NRAP: variants seen among roughly 807,000 people sequenced by gnomAD.
NRAP encodes the protein nebulin-related-anchoring protein.
In NRAP, 189 loss-of-function variants were observed where a neutral mutation model predicts 225.9. That is an observed-to-expected ratio of 0.84 (90% CI 0.74 to 0.94). NRAP has a LOEUF of 0.94. NRAP is among the 40% of genes least tolerant of loss of function. The probability of loss-of-function intolerance (pLI) is 0.00; values close to 1 mark genes in which losing one functional copy is unlikely to be tolerated. For missense variants in NRAP, 2,176 were observed against 2,168.7 expected (o/e 1.00, Z -0.07); for synonymous variants, 769 against 790.7 (o/e 0.97, Z 0.46).
In NRAP at chr10:113,654,174, A is replaced by C. The variant is rs776852825; in HGVS notation, c.361-49T>G. 81 of 1,026,896 alleles carry C rather than the reference A, an allele frequency of 7.9e-5. No homozygotes were observed. The South Asian group carries it at 1.0e-3, about 13-fold the overall frequency. 63.6% of individuals were successfully genotyped at this position (1,026,896 alleles called of 1,614,324 possible). A position where few individuals can be genotyped will look rare whatever the true frequency, so the allele number is the denominator to read the frequency against. On this transcript the variant is annotated intron_variant, in intron 4 of 41. Coordinates refer to ENST00000359988, the MANE Select transcript of NRAP (RefSeq NM_198060.4). ...ATACAAACACATGCCCCAGACTCCC[A>C]GCAACACTTACATACATTGTCAAAA...
At chr10:113,605,939 C>G in intron 33 of NRAP, 70 bp from the exon 34 acceptor site, 2 of 1,103,010 alleles carry the variant, frequency 1.8e-6, no homozygotes, top group Non-Finnish European at 1.4e-6. Flanking sequence ...CCACCCCTTT[C>G]ATTTATAGCA....
intron 40 of NRAP, among the ~76,000 whole-genome samples, 177 bp from the exon 41 acceptor site, chr10:113,589,974 G>T (rs1331516936): frequency 1.3e-5 from 2 of 152,216 alleles, no homozygotes; most frequent in African/African-American, 2.4e-5. Context: ...CACAGGGGCC[G>T]CAATGTGCTG....
intron 31 of NRAP, 47 bp downstream of exon 31, chr10:113,610,412 C>T (rs374519760): frequency 3.1e-5 from 26 of 850,572 alleles, no homozygotes; most frequent in Non-Finnish European, 4.9e-5. Flanking sequence ...TGATTATCCT[C>T]TGCTGTGGAA....
chr10:113,610,390 A>G, intron 31 of NRAP, 69 bp downstream of exon 31: 1 of 774,994 alleles, frequency 1.3e-6, no homozygotes, highest in Non-Finnish European at 2.2e-6. Flanking sequence ...AAGAAAAAGG[A>G]AAGAAACAAA....
intron 11 of NRAP, among the ~76,000 whole-genome samples, 195 bp from the exon 12 acceptor site, chr10:113,643,233 T>C (rs1849310597): frequency 6.6e-6 from 1 of 152,194 alleles, no homozygotes; most frequent in South Asian, 2.1e-4. Context: ...AAATAATTGG[T>C]TTCATTCAGA....
chr10:113,634,253 T>C lies in NRAP; in HGVS notation c.1429-43A>G, dbSNP rs765607558. 11 of 1,401,358 alleles carry C rather than the reference T, an allele frequency of 7.8e-6. No individual in the cohort carries two copies. The African/African-American group carries it at 1.4e-4, about 18-fold the overall frequency. The allele number at this position is 1,401,358 out of a possible 1,614,324, so 86.8% of individuals were successfully genotyped here. A position where few individuals can be genotyped will look rare whatever the true frequency, so the allele number is the denominator to read the frequency against. The stretch of plus-strand genomic sequence containing the variant: ...CAAAAAGATGTCATTTGCTCTTTTC[T>C]CAAAGATTTGCTTAGCTCCCTCTCC... On this transcript the variant is annotated intron_variant, in intron 14 of 41. Coordinates refer to ENST00000359988, the MANE Select transcript of NRAP (RefSeq NM_198060.4).
In NRAP at chr10:113,590,713, G is replaced by A. The variant is rs549877333; in HGVS notation, c.4821C>T (p.Pro1607=). 3.4e-5 allele frequency: 55 copies of A among 1,614,192 alleles called. No individual in the cohort carries two copies. Among genetic ancestry groups the A allele is most frequent in the South Asian group, 2.4e-4 (22 of 91,080 alleles). The change falls in exon 40 of 42, where the codon CCC becomes CCT. Residue 1607 remains proline (P), a synonymous_variant. Coordinates refer to ENST00000359988, the MANE Select transcript of NRAP (RefSeq NM_198060.4). The part of the protein sequence containing the change: ...RSQFHSSTDQ[P]GLLQAKRSQQ... ...GGCTCCTCTTGGCCTGAAGGAGGCC[G>A]GGCTGGTCTGTGCTGCTGTGAAACT...
chr10:113,597,176 G>A lies in NRAP; in HGVS notation c.4341C>T (p.Tyr1447=). Residue 1447 remains tyrosine (Y), a synonymous_variant, in exon 37 of 42, where the codon TAC becomes TAT. Coordinates refer to ENST00000359988, the MANE Select transcript of NRAP (RefSeq NM_198060.4). The stretch of plus-strand genomic sequence containing the variant: ...ACTTGATACTGTCTGGTTTTTTACG[G>A]TACTTGGTCTATAAGATAAAGACAA... ...KAGELISETK[Y]RKKPDSIKFT... is the part of the protein sequence containing the mutation. The A allele has an allele frequency of 1.2e-6, 2 of 1,604,362 alleles. No individual in the cohort carries two copies. The highest frequency in any genetic ancestry group is 1.7e-6 in the Non-Finnish European group (2 of 1,171,100).
At chr10:113,617,717 T>C (rs1424974187) in intron 25 of NRAP, among the ~76,000 whole-genome samples, 164 bp from the exon 26 acceptor site, 1 of 152,200 alleles carries the variant, frequency 6.6e-6, no homozygotes, top group African/African-American at 2.4e-5. Flanking sequence ...TTAATATTTG[T>C]TTCAATTTAA....
chr10:113,601,987 GCCAT>G (rs1280534585), intron 35 of NRAP, among the ~76,000 whole-genome samples: 1 of 152,126 alleles, frequency 6.6e-6, no homozygotes, highest in African/African-American at 2.4e-5. Context: ...CTGGGCTCAA[GCCAT>G]CCTCCCACCT....
rs1389667057 is a variant in NRAP, at chr10:113,597,175, G to A, written c.4342C>T (p.Arg1448Cys). The A allele has an allele frequency of 6.2e-6, 10 of 1,605,802 alleles. No individual in the cohort carries two copies. Among genetic ancestry groups the A allele is most frequent in the African/African-American group, 4.0e-5 (3 of 74,702 alleles). ...AGELISETKY[R>C]KKPDSIKFTT... is the part of the protein sequence containing the mutation. ...AACTTGATACTGTCTGGTTTTTTAC[G>A]GTACTTGGTCTATAAGATAAAGACA... The change falls in exon 37 of 42, where the codon CGT (arginine) becomes TGT (cysteine). Residue 1448 changes from arginine (R) to cysteine (C), a missense_variant. By Grantham distance (180) the Arg-to-Cys change is radical (BLOSUM62 -3). Around this residue, in one of 3 missense-constraint regions of NRAP, gnomAD observed 445 missense variants for 426.1 expected, o/e 1.04. Coordinates refer to ENST00000359988, the MANE Select transcript of NRAP (RefSeq NM_198060.4).
intron 25 of NRAP, among the ~76,000 whole-genome samples, chr10:113,617,843 T>G (rs1847760437): frequency 6.6e-6 from 1 of 152,232 alleles, no homozygotes; most frequent in Admixed American, 6.5e-5. Context: ...AAGGATTCTT[T>G]TTATAGGCTT....
intron 35 of NRAP, among the ~76,000 whole-genome samples, chr10:113,600,891 C>T (rs763309302): frequency 1.3e-5 from 2 of 152,194 alleles, no homozygotes; most frequent in Non-Finnish European, 2.9e-5. Context: ...GCATTCCATA[C>T]ATTTTAGTTA....
chr10:113,633,605 G>A (rs777670529), intron 15 of NRAP, among the ~76,000 whole-genome samples: 15 of 152,178 alleles, frequency 9.9e-5, no homozygotes, highest in Admixed American at 2.6e-4. Flanking sequence ...TGTGACTCCT[G>A]TTGGATGAAT....
At position 113,590,891 on chromosome 10, in the gene NRAP, T is replaced by C. The variant is rs1564690201; in HGVS notation, c.4645-2A>G. ...CAGGAAAGCCTCTTTGTACCGGAAC[T>C]GCAAGTCAGAGGAGCAGAGGCAGAT... On this transcript the variant is annotated splice_acceptor_variant, in intron 39 of 41. Coordinates refer to ENST00000359988, the MANE Select transcript of NRAP (RefSeq NM_198060.4). LOFTEE classifies it high-confidence loss of function. 3.7e-6 allele frequency: 6 copies of C among 1,612,748 alleles called. No individual in the cohort carries two copies. The highest frequency in any genetic ancestry group is 4.2e-6 in the Non-Finnish European group (5 of 1,179,016).
At chr10:113,661,587 T>C (rs932874236) in intron 3 of NRAP, among the ~76,000 whole-genome samples, 3 of 152,166 alleles carry the variant, frequency 2.0e-5, no homozygotes, top group African/African-American at 7.2e-5. Context: ...ACAGAGCAAC[T>C]TCTTGTGGGC....
At chr10:113,643,842 T>A (rs1849346796) in intron 11 of NRAP, among the ~76,000 whole-genome samples, 1 of 152,172 alleles carries the variant, frequency 6.6e-6, no homozygotes, top group East Asian at 1.9e-4. Context: ...TAAAACTATA[T>A]GGTGGGGGTA....
chr10:113,623,930 T>C (rs1467117513), intron 22 of NRAP, among the ~76,000 whole-genome samples: 2 of 152,172 alleles, frequency 1.3e-5, no homozygotes, highest in Non-Finnish European at 2.9e-5. Context: ...CAGGATAACA[T>C]CGCACAACAC....
rs925643669 is a variant in NRAP at position 113,654,088 on chromosome 10, C to G, written c.398G>C (p.Trp133Ser). 2 of 1,613,552 alleles carry G rather than the reference C, an allele frequency of 1.2e-6. No individual in the cohort carries two copies. The highest frequency in any genetic ancestry group is 1.7e-6 in the Non-Finnish European group (2 of 1,179,628). ...YWTGYGEGNA[W>S]CPGALPDPEI... is the part of the protein sequence containing the mutation. Reference sequence around the variant, plus strand: ...GGGGTCTGGCAGAGCTCCTGGGCACCAAGCATTCCCTTCCCCATATCCAGT... The same window carrying G: ...GGGGTCTGGCAGAGCTCCTGGGCACGAAGCATTCCCTTCCCCATATCCAGT... The change falls in exon 5 of 42, where the codon TGG becomes TCG. Residue 133 changes from tryptophan to serine, a missense_variant. Trp to Ser is a radical substitution (Grantham distance 177). Transcript: ENST00000359988.
Sources: allele counts gnomAD v4.1 joint callset (sites outside exome capture counted in the v4.1 genomes callset), GRCh38; gene constraint gnomAD v4.1.1; regional missense constraint gnomAD v4.1.1; transcripts MANE v1.5; gene names NCBI Gene and HGNC (gene_info 2026-07-23, HGNC 2026-07-21).